Variants in TNF observed in about 807,000 individuals in gnomAD.
The protein encoded by TNF is tumor necrosis factor, also known as APC1 protein.
TNF carries 7 observed loss-of-function variants against 21.8 expected under a neutral mutation model. The observed-to-expected ratio is 0.32, with a 90% CI of 0.18 to 0.60. TNF has a LOEUF of 0.60. Among genes scored for constraint, TNF ranks in the 20% least tolerant of loss-of-function variants. The pLI, the probability that TNF is intolerant of heterozygous loss-of-function variation, is 0.84. For missense variants in TNF, 216 were observed against 296.6 expected (o/e 0.73, Z 2.00); for synonymous variants, 123 against 130.2 (o/e 0.94, Z 0.38).
Position 31,575,709 on chromosome 6 carries a change from C to T in TNF, c.-33C>T, listed in dbSNP as rs752785007. On this transcript the variant is annotated 5_prime_UTR_variant, in exon 1 of 4. In the 5' UTR this introduces an upstream ATG that the reference lacks. Transcript: ENST00000449264. This position sits in a 1 kb window ranked among gnomAD's most constrained non-coding sequence, Gnocchi z 6.2. ...TCTCTTCCTCTCACATACTGACCCA[C>T]GGCTCCACCCTCTCTCCCCTGGAAA... 2.6e-6 allele frequency: 4 copies of T among 1,513,166 alleles called. No individual in the cohort carries two copies. Among genetic ancestry groups the T allele is most frequent in the East Asian group, 2.4e-5 (1 of 41,582 alleles). 93.7% of individuals were successfully genotyped at this position (1,513,166 alleles called of 1,614,324 possible). A position where few individuals can be genotyped will look rare whatever the true frequency, so the allele number is the denominator to read the frequency against.
chr6:31,576,437 C>T (rs993943883), intron 1 of TNF, 97 bp from the exon 2 acceptor site: 1 of 1,198,006 alleles, frequency 8.3e-7, no homozygotes, highest in South Asian at 1.4e-5. Context: ...GAAAACCAGA[C>T]ACCTCAGGGC....
At chr6:31,576,978 A>C in intron 3 of TNF, 138 bp from the exon 4 acceptor site, 1 of 1,357,522 alleles carries the variant, frequency 7.4e-7, no homozygotes, top group Non-Finnish European at 1.0e-6. Context: ...TCAGAACGTC[A>C]TGGCCAGGTG....
chr6:31,577,890 C>T lies in TNF; in HGVS notation c.*353C>T. On this transcript the variant is annotated 3_prime_UTR_variant, in exon 4 of 4. Transcript: ENST00000449264. This position sits in a 1 kb window ranked among gnomAD's most constrained non-coding sequence, Gnocchi z 7.7. ...AGAAGACCTCACCTAGAAATTGACA[C>T]AAGTGGACCTTAGGCCTTCCTCTCT... 2.5e-6 allele frequency: 1 copy of T among 399,974 alleles called. No homozygotes were observed. The highest frequency in any genetic ancestry group is 4.6e-6 in the Non-Finnish European group (1 of 217,370). 24.8% of individuals were successfully genotyped at this position (399,974 alleles called of 1,614,324 possible).
Position 31,575,601 on chromosome 6 carries a change from G to A in TNF, c.-141G>A. 1 of 761,062 alleles carries A rather than the reference G, an allele frequency of 1.3e-6. No individual in the cohort carries two copies. Among genetic ancestry groups the A allele is most frequent in the Non-Finnish European group, 2.1e-6 (1 of 478,782 alleles). 47.1% of individuals were successfully genotyped at this position (761,062 alleles called of 1,614,324 possible). ...CCTCAGCAAGGACAGCAGAGGACCA[G>A]CTAAGAGGGAGAGAAGCAACTACAG... On this transcript the variant is annotated 5_prime_UTR_variant, in exon 1 of 4. Coordinates refer to ENST00000449264, the MANE Select transcript of TNF (RefSeq NM_000594.4). This position sits in a 1 kb window ranked among gnomAD's most constrained non-coding sequence, Gnocchi z 6.2.
At chr6:31,576,941 G>A (rs1318203006) in intron 3 of TNF, 127 bp downstream of exon 3, 1 of 1,383,636 alleles carries the variant, frequency 7.2e-7, no homozygotes, top group Non-Finnish European at 1.0e-6. Context: ...GAAGGGTGGA[G>A]GAACAGCACA....
In TNF at chr6:31,577,343, C is replaced by G; in HGVS notation, c.508C>G (p.Leu170Val). Residue 170 changes from leucine to valine, a missense_variant, in exon 4 of 4, where the codon CTC becomes GTC. By Grantham distance (32) the Leu-to-Val change is conservative. Coordinates refer to ENST00000449264, the MANE Select transcript of TNF (RefSeq NM_000594.4). This position sits in a 1 kb window ranked among gnomAD's most constrained non-coding sequence, Gnocchi z 7.7. ...AVSYQTKVNL[L>V]SAIKSPCQRE... ...CTCCTACCAGACCAAGGTCAACCTC[C>G]TCTCTGCCATCAAGAGCCCCTGCCA... 1 of 1,613,188 alleles carries G rather than the reference C, an allele frequency of 6.2e-7. No individual in the cohort carries two copies. Among genetic ancestry groups the G allele is most frequent in the Non-Finnish European group, 8.5e-7 (1 of 1,180,030 alleles).
chr6:31,576,229 G>T (rs986129038), intron 1 of TNF, among the ~76,000 whole-genome samples: 7 of 151,920 alleles, frequency 4.6e-5, no homozygotes, highest in African/African-American at 1.7e-4. Flanking sequence ...ACAGATGTGG[G>T]GTGTGAGAAG....
rs1771253002 is a variant in TNF at position 31,577,633 on chromosome 6, A to G, written c.*96A>G. On this transcript the variant is annotated 3_prime_UTR_variant, in exon 4 of 4. Coordinates refer to ENST00000449264, the MANE Select transcript of TNF (RefSeq NM_000594.4). The surrounding 1 kb of genome is among the most constrained non-coding windows in gnomAD (Gnocchi z 7.7). ...ACCCTCAACCTCTTCTGGCTCAAAA[A>G]GAGAATTGGGGGCTTAGGGTCGGAA... 38 of 1,501,610 alleles carry G rather than the reference A, an allele frequency of 2.5e-5. No homozygotes were observed. Among genetic ancestry groups the G allele is most frequent in the Non-Finnish European group, 3.4e-5 (37 of 1,093,500 alleles). The allele number at this position is 1,501,610 out of a possible 1,614,324, so 93.0% of individuals were successfully genotyped here.
At chr6:31,576,838 T>C in intron 3 of TNF, 24 bp downstream of exon 3, 1 of 1,612,802 alleles carries the variant, frequency 6.2e-7, no homozygotes, top group Non-Finnish European at 8.5e-7. Context: ...GGATGTGTCT[T>C]GGAACTTGGA....
chr6:31,576,017 T>A, intron 1 of TNF, 90 bp downstream of exon 1: 1 of 1,334,858 alleles, frequency 7.5e-7, no homozygotes, highest in Non-Finnish European at 9.9e-7. Flanking sequence ...GTGAAAGATG[T>A]GCGCTGATAG....
Position 31,577,281 on chromosome 6 carries a change from A to T in TNF, c.446A>T (p.His149Leu). The T allele has an allele frequency of 6.2e-7, 1 of 1,613,142 alleles. No homozygotes were observed. The change falls in exon 4 of 4, where the codon CAT (histidine) becomes CTT (leucine). Residue 149 changes from histidine (H) to leucine (L), a missense_variant. This residue lies in a region of TNF where 98 missense variants were observed against 169.6 expected (regional missense o/e 0.58). Coordinates refer to ENST00000449264, the MANE Select transcript of TNF (RefSeq NM_000594.4). This position sits in a 1 kb window ranked among gnomAD's most constrained non-coding sequence, Gnocchi z 7.7. Reference protein sequence around the residue: ...LFKGQGCPSTHVLLTHTISRI... With the variant: ...LFKGQGCPSTLVLLTHTISRI... ...AAGGGCCAAGGCTGCCCCTCCACCC[A>T]TGTGCTCCTCACCCACACCATCAGC...
rs1771230917 is a variant in TNF at position 31,577,294 on chromosome 6, C to T, written c.459C>T (p.Thr153=). 3 of 1,613,106 alleles carry T rather than the reference C, an allele frequency of 1.9e-6. No homozygotes were observed. Among genetic ancestry groups the T allele is most frequent in the Non-Finnish European group, 2.5e-6 (3 of 1,180,042 alleles). The change falls in exon 4 of 4, where the codon ACC becomes ACT. Residue 153 remains threonine (T), a synonymous_variant. Transcript: ENST00000449264. The surrounding 1 kb of genome is among the most constrained non-coding windows in gnomAD (Gnocchi z 7.7). The stretch of plus-strand genomic sequence containing the variant: ...GCCCCTCCACCCATGTGCTCCTCAC[C>T]CACACCATCAGCCGCATCGCCGTCT... ...QGCPSTHVLL[T]HTISRIAVSY...
rs565005379 is a variant in TNF, at chr6:31,576,840, G to T, written c.280+26G>T. On this transcript the variant is annotated intron_variant, in intron 3 of 3. Coordinates refer to ENST00000449264, the MANE Select transcript of TNF (RefSeq NM_000594.4). Reference sequence around the variant, plus strand: ...GTAAGAGCTCTGAGGATGTGTCTTGGAACTTGGAGGGCTAGGATTTGGGGA... The same window carrying T: ...GTAAGAGCTCTGAGGATGTGTCTTGTAACTTGGAGGGCTAGGATTTGGGGA... 1.1e-5 allele frequency: 17 copies of T among 1,612,764 alleles called. 1 individual carries two copies. In the South Asian group the frequency reaches 1.5e-4, roughly 15 times the overall value.
In TNF at chr6:31,577,065, T is replaced by A; in HGVS notation, c.281-51T>A. 6.4e-7 allele frequency: 1 copy of A among 1,550,718 alleles called. No individual in the cohort carries two copies. Among genetic ancestry groups the A allele is most frequent in the Non-Finnish European group, 8.7e-7 (1 of 1,150,352 alleles). On this transcript the variant is annotated intron_variant, in intron 3 of 3. Transcript: ENST00000449264. The surrounding 1 kb of genome is among the most constrained non-coding windows in gnomAD (Gnocchi z 7.7). ...AGCTCGAGGGCCAGGATGTGGAGAG[T>A]GAACCGACATGGCCACACTGACTCT... is the stretch of plus-strand genomic sequence containing the variant.
Position 31,577,391 on chromosome 6 carries a change from G to A in TNF, c.556G>A (p.Glu186Lys), listed in dbSNP as rs1473587140. 3 of 1,613,170 alleles carry A rather than the reference G, an allele frequency of 1.9e-6. No homozygotes were observed. The highest frequency in any genetic ancestry group is 3.3e-5 in the Admixed American group (2 of 60,032). Residue 186 changes from glutamate (E) to lysine (K), a missense_variant, in exon 4 of 4, where the codon GAG becomes AAG. Transcript: ENST00000449264. The surrounding 1 kb of genome is among the most constrained non-coding windows in gnomAD (Gnocchi z 7.7). ...PCQRETPEGA[E>K]AKPWYEPIYL... Reference sequence around the variant, plus strand: ...CCAGAGGGAGACCCCAGAGGGGGCTGAGGCCAAGCCCTGGTATGAGCCCAT... The same window carrying A: ...CCAGAGGGAGACCCCAGAGGGGGCTAAGGCCAAGCCCTGGTATGAGCCCAT...
rs1471476571 is a variant in TNF, at chr6:31,575,780, C to A, written c.39C>A (p.Ala13=). ...GCATGATCCGGGACGTGGAGCTGGCCGAGGAGGCGCTCCCCAAGAAGACAG... is the reference window on the plus strand; with the variant it reads ...GCATGATCCGGGACGTGGAGCTGGCAGAGGAGGCGCTCCCCAAGAAGACAG... The part of the protein sequence containing the change: ...TESMIRDVEL[A]EEALPKKTGG... The change falls in exon 1 of 4, where the codon GCC becomes GCA. Residue 13 remains alanine, a synonymous_variant. Transcript: ENST00000449264. This position sits in a 1 kb window ranked among gnomAD's most constrained non-coding sequence, Gnocchi z 6.2. 3.1e-6 allele frequency: 5 copies of A among 1,606,434 alleles called. No individual in the cohort carries two copies. The East Asian group carries it at 6.7e-5, about 22-fold the overall frequency.
In TNF at chr6:31,575,992, A is replaced by T. The variant is rs970967956; in HGVS notation, c.186+65A>T. ...GGGGAAATGGAGACGCAAGAGAGGG[A>T]GAGAGATGGGATGGGTGAAAGATGT... is the stretch of plus-strand genomic sequence containing the variant. On this transcript the variant is annotated intron_variant, in intron 1 of 3. Coordinates refer to ENST00000449264, the MANE Select transcript of TNF (RefSeq NM_000594.4). The surrounding 1 kb of genome is among the most constrained non-coding windows in gnomAD (Gnocchi z 6.2). 1 of 1,410,516 alleles carries T rather than the reference A, an allele frequency of 7.1e-7. No individual in the cohort carries two copies. The highest frequency in any genetic ancestry group is 2.7e-5 in the Admixed American group (1 of 37,684). The allele number at this position is 1,410,516 out of a possible 1,614,324, so 87.4% of individuals were successfully genotyped here. A position where few individuals can be genotyped will look rare whatever the true frequency, so the allele number is the denominator to read the frequency against.
rs769320071 is a variant in TNF at position 31,577,597 on chromosome 6, C to T, written c.*60C>T. ...CCTGCCCCAATCCCTTTATTACCCC[C>T]TCCTTCAGACACCCTCAACCTCTTC... is the stretch of plus-strand genomic sequence containing the variant. On this transcript the variant is annotated 3_prime_UTR_variant, in exon 4 of 4. Coordinates refer to ENST00000449264, the MANE Select transcript of TNF (RefSeq NM_000594.4). The surrounding 1 kb of genome is among the most constrained non-coding windows in gnomAD (Gnocchi z 7.7). The T allele has an allele frequency of 1.3e-6, 2 of 1,593,220 alleles. No homozygotes were observed. The highest frequency in any genetic ancestry group is 1.1e-5 in the South Asian group (1 of 90,268).
chr6:31,576,464 A>G, intron 1 of TNF, 70 bp from the exon 2 acceptor site: 1 of 1,515,434 alleles, frequency 6.6e-7, no homozygotes, highest in Non-Finnish European at 9.1e-7. Flanking sequence ...CGCAGGCCAG[A>G]CAGGCAGCCA....
Sources: gnomAD v4.1 joint callset for allele counts (sites outside exome capture counted in the v4.1 genomes callset) on GRCh38, gnomAD v4.1.1 for gene constraint, gnomAD v4.1.1 regional missense constraint, Gnocchi (gnomAD v3.1) non-coding constraint, MANE v1.5 for transcripts, NCBI Gene and HGNC (gene_info 2026-07-23, HGNC 2026-07-21) for gene names.